Variants in ACAD11 observed in about 807,000 individuals in gnomAD.
The protein encoded by ACAD11 is acyl-CoA dehydrogenase family member 11.
ACAD11 carries 83 observed loss-of-function variants against 102.2 expected under a neutral mutation model. The ratio of observed to expected loss-of-function variants is 0.81; its 90% CI spans 0.68 to 0.97. The LOEUF (loss-of-function observed/expected upper bound fraction) is 0.97. Ranked by LOEUF, ACAD11 falls within the 50% of genes least tolerant of loss-of-function variation. The pLI is 0.00. For missense variants in ACAD11, 901 were observed against 951.7 expected (o/e 0.95, Z 0.70); for synonymous variants, 324 against 319.8 (o/e 1.01, Z -0.14).
intron 11 of ACAD11, among the ~76,000 whole-genome samples, chr3:132,616,107 G>A (rs1441292781): frequency 6.6e-6 from 1 of 152,060 alleles, no homozygotes; most frequent in African/African-American, 2.4e-5. Flanking sequence ...CAATGCTTGA[G>A]GCCTTCGTGG....
intron 17 of ACAD11, among the ~76,000 whole-genome samples, chr3:132,565,349 A>T (rs1056295305): frequency 6.6e-6 from 1 of 152,174 alleles, no homozygotes; most frequent in African/African-American, 2.4e-5. Flanking sequence ...CTGGACTTTC[A>T]TCCCACCTGG....
intron 13 of ACAD11, among the ~76,000 whole-genome samples, chr3:132,589,914 C>G (rs1390507671): frequency 6.6e-6 from 1 of 152,100 alleles, no homozygotes; most frequent in African/African-American, 2.4e-5. Flanking sequence ...TCCTTGTTTG[C>G]GTTCGTAAGT....
At chr3:132,617,525 T>A (rs1939453559) in intron 11 of ACAD11, among the ~76,000 whole-genome samples, 1 of 152,162 alleles carries the variant, frequency 6.6e-6, no homozygotes, top group Admixed American at 6.5e-5. Context: ...ATATTTAGAA[T>A]CTTGCTACTT....
chr3:132,657,866 CTTTT>C (rs56190801), intron 1 of ACAD11, among the ~76,000 whole-genome samples: 2 of 119,166 alleles, frequency 1.7e-5, no homozygotes, highest in East Asian at 2.9e-4. Context: ...ACACATATTC[CTTTT>C]TTTTTTTTTT....
At position 132,631,365 on chromosome 3, in the gene ACAD11, G is replaced by C; in HGVS notation, c.817C>G (p.Gln273Glu). ...FWPRTVPMIN[Q>E]GSYSENSGIP... ...CCTGAGTTTTCACTATAAGAACCTT[G>C]ATTTATCATTGGAACTGTCCTTGGC... The change falls in exon 6 of 20, where the codon CAA (glutamine) becomes GAA (glutamate). Residue 273 changes from glutamine to glutamate, a missense_variant. Gln to Glu is a conservative substitution (Grantham distance 29, BLOSUM62 2). Coordinates refer to ENST00000264990, the MANE Select transcript of ACAD11 (RefSeq NM_032169.5). 1 of 1,510,028 alleles carries C rather than the reference G, an allele frequency of 6.6e-7. No homozygotes were observed. Among genetic ancestry groups the C allele is most frequent in the Non-Finnish European group, 8.9e-7 (1 of 1,125,622 alleles). The allele number at this position is 1,510,028 out of a possible 1,614,324, so 93.5% of individuals were successfully genotyped here. A position where few individuals can be genotyped will look rare whatever the true frequency, so the allele number is the denominator to read the frequency against.
intron 10 of ACAD11, 74 bp downstream of exon 10, chr3:132,619,394 C>G: frequency 1.1e-6 from 1 of 943,560 alleles, no homozygotes; most frequent in African/African-American, 1.7e-5. Context: ...ATAACAATAG[C>G]AACAACAAAA....
At chr3:132,590,600 T>C (rs1022700063) in intron 13 of ACAD11, among the ~76,000 whole-genome samples, 3 of 152,112 alleles carry the variant, frequency 2.0e-5, no homozygotes, top group African/African-American at 7.2e-5. Flanking sequence ...TCCACAATGG[T>C]TGAACTAATT....
chr3:132,630,688 T>G (rs1414368917), intron 6 of ACAD11, 130 bp from the exon 7 acceptor site: 6 of 729,698 alleles, frequency 8.2e-6, no homozygotes, highest in Non-Finnish European at 1.3e-5. Flanking sequence ...AAACATGTTC[T>G]AAATCTTGAT....
At chr3:132,624,129 A>T (rs1939710896) in intron 9 of ACAD11, among the ~76,000 whole-genome samples, 2 of 151,370 alleles carry the variant, frequency 1.3e-5, no homozygotes, top group South Asian at 4.2e-4. Flanking sequence ...ACAGAGTGAG[A>T]CCAGGTCTCT....
chr3:132,643,334 C>T (rs1165502633), intron 2 of ACAD11, among the ~76,000 whole-genome samples: 1 of 152,124 alleles, frequency 6.6e-6, no homozygotes. Context: ...TCTTTCCTGG[C>T]ACTCAGGACT....
At chr3:132,563,027 T>C (rs1191394986) in intron 17 of ACAD11, among the ~76,000 whole-genome samples, 1 of 152,208 alleles carries the variant, frequency 6.6e-6, no homozygotes, top group African/African-American at 2.4e-5. Flanking sequence ...AGATCAAGGG[T>C]CCCTCTTTTG....
chr3:132,611,886 A>C (rs995047973), intron 11 of ACAD11, among the ~76,000 whole-genome samples: 3 of 152,014 alleles, frequency 2.0e-5, no homozygotes, highest in East Asian at 3.9e-4. Context: ...TTAAAGTTCA[A>C]ATGGAACCAA....
chr3:132,594,053 G>T (rs955746842), intron 13 of ACAD11, among the ~76,000 whole-genome samples: 2 of 152,072 alleles, frequency 1.3e-5, no homozygotes, highest in Non-Finnish European at 2.9e-5. Context: ...ACAGGAAAAG[G>T]CCAGCCAGTC....
intron 13 of ACAD11, among the ~76,000 whole-genome samples, chr3:132,586,766 T>C (rs1937853355): frequency 6.6e-6 from 1 of 152,104 alleles, no homozygotes. Context: ...AAATGTAATG[T>C]TTTTCAAGTA....
chr3:132,627,572 C>T (rs1189913732), intron 8 of ACAD11, among the ~76,000 whole-genome samples: 2 of 152,206 alleles, frequency 1.3e-5, no homozygotes, highest in Non-Finnish European at 2.9e-5. Context: ...ACACTGCATG[C>T]TCTCACTCGT....
intron 13 of ACAD11, among the ~76,000 whole-genome samples, chr3:132,579,950 T>C (rs1271829328): frequency 6.6e-6 from 1 of 152,186 alleles, no homozygotes; most frequent in Non-Finnish European, 1.5e-5. Flanking sequence ...CTGGTTCTTT[T>C]ATTAATTTCT....
chr3:132,560,984 G>T, intron 18 of ACAD11, 117 bp downstream of exon 18: 1 of 749,346 alleles, frequency 1.3e-6, no homozygotes, highest in Non-Finnish European at 2.3e-6. Flanking sequence ...AAAATCACAT[G>T]GGGGCTTCCA....
chr3:132,565,017 C>T (rs2107780441), intron 17 of ACAD11, among the ~76,000 whole-genome samples: 1 of 152,204 alleles, frequency 6.6e-6, no homozygotes, highest in Admixed American at 6.5e-5. Context: ...ATAAAGCACC[C>T]CAACAAAAGT....
At chr3:132,631,538 G>C in intron 5 of ACAD11, 59 bp from the exon 6 acceptor site, 1 of 1,245,800 alleles carries the variant, frequency 8.0e-7, no homozygotes, top group Non-Finnish European at 1.1e-6. Flanking sequence ...GTATAATAAA[G>C]AAATAAATAA....
Sources: allele counts gnomAD v4.1 joint callset (sites outside exome capture counted in the v4.1 genomes callset), GRCh38; gene constraint gnomAD v4.1.1; transcripts MANE v1.5; gene names NCBI Gene and HGNC (gene_info 2026-07-23, HGNC 2026-07-21).